ANK3: variants seen among roughly 807,000 people sequenced by gnomAD.
ANK3 encodes the protein ankyrin 3.
Under a neutral mutation model 370.9 loss-of-function variants are expected in ANK3, and 57 were observed. The ratio of observed to expected loss-of-function variants is 0.15; its 90% CI spans 0.12 to 0.19. The LOEUF is 0.19. Ranked by LOEUF, ANK3 falls within the 10% of genes least tolerant of loss-of-function variation. The probability of loss-of-function intolerance (pLI) is 1.00; values close to 1 mark genes in which losing one functional copy is unlikely to be tolerated. For missense variants in ANK3, 4,439 were observed against 5,302.1 expected, an observed-to-expected ratio of 0.84 and a Z score of 5.06; for synonymous variants, 1,929 against 1,946.3, an observed-to-expected ratio of 0.99 and a Z score of 0.23.
At chr10:60,253,028 A>T (rs2097690139) in intron 7 of ANK3, among the ~76,000 whole-genome samples, 1 of 152,204 alleles carries the variant, frequency 6.6e-6, no homozygotes, top group Admixed American at 6.5e-5. Context: ...CATTGGACCC[A>T]TTATATGGAT....
intron 1 of ANK3, among the ~76,000 whole-genome samples, chr10:60,654,336 T>G (rs2078833788): frequency 6.6e-6 from 1 of 152,160 alleles, no homozygotes; most frequent in Non-Finnish European, 1.5e-5. Context: ...GGATCTCCAG[T>G]ACCGTGTTGA....
chr10:60,080,447 G>A (rs2084920684), intron 36 of ANK3, 90 bp downstream of exon 36: 1 of 1,152,086 alleles, frequency 8.7e-7, no homozygotes, highest in Non-Finnish European at 1.3e-6. Context: ...TTGCCATTGA[G>A]TTTCCAAATG....
At chr10:60,532,054 G>C (rs10740030) in intron 2 of ANK3, among the ~76,000 whole-genome samples, 107,830 of 152,030 alleles carry the variant, frequency 0.71, 38,359 homozygotes, top group South Asian at 0.88. Context: ...TTTTAGTATT[G>C]CAGGTGAAAC....
intron 1 of ANK3, among the ~76,000 whole-genome samples, chr10:60,345,740 A>C (rs2061484): frequency 0.7 from 106,021 of 151,944 alleles, 38,262 homozygotes; most frequent in South Asian, 0.91. Context: ...GAATATATTC[A>C]TTAAAAATCA....
At chr10:60,526,556 C>T (rs1013466164) in intron 2 of ANK3, among the ~76,000 whole-genome samples, 1 of 152,014 alleles carries the variant, frequency 6.6e-6, no homozygotes, top group African/African-American at 2.4e-5. Context: ...TACGCTTACC[C>T]ATCAAGAATT....
At chr10:60,543,762 T>C (rs376562186) in intron 2 of ANK3, among the ~76,000 whole-genome samples, 1 of 152,066 alleles carries the variant, frequency 6.6e-6, no homozygotes, top group African/African-American at 2.4e-5. Context: ...ATAAATTCCA[T>C]TTTCTCACAA....
chr10:60,407,128 C>G (rs1003891448), intron 2 of ANK3, among the ~76,000 whole-genome samples: 9 of 152,188 alleles, frequency 5.9e-5, no homozygotes, highest in Middle Eastern at 3.2e-3. Flanking sequence ...GTTACTCTTT[C>G]TCACACTAAA....
chr10:60,425,905 T>A (rs980007375), intron 2 of ANK3, among the ~76,000 whole-genome samples: 3 of 152,138 alleles, frequency 2.0e-5, no homozygotes, highest in Non-Finnish European at 4.4e-5. Flanking sequence ...CCACGGGACC[T>A]TGAGAAAGCC....
At chr10:60,178,097 T>A (rs1381084808) in intron 18 of ANK3, among the ~76,000 whole-genome samples, 1 of 152,208 alleles carries the variant, frequency 6.6e-6, no homozygotes, top group African/African-American at 2.4e-5. Flanking sequence ...AAACCTTCAG[T>A]GGCTTCTCAG....
chr10:60,111,887 C>T lies in ANK3; in HGVS notation c.2948+2338G>A, dbSNP rs188685153. The stretch of plus-strand genomic sequence containing the variant: ...AAACCATCAGAAAATGAAACCAGGG[C>T]ATCTGGCATTTGTGGGACAACCTAG... On this transcript the variant is annotated intron_variant, in intron 26 of 43. Transcript: ENST00000280772. 74 of 412,022 alleles carry T rather than the reference C, an allele frequency of 1.8e-4. No homozygotes were observed. The East Asian group carries it at 5.2e-3, about 29-fold the overall frequency. 25.5% of individuals were successfully genotyped at this position (412,022 alleles called of 1,614,324 possible).
At chr10:60,569,786 AT>A (rs375370576) in intron 2 of ANK3, among the ~76,000 whole-genome samples, 183 of 152,146 alleles carry the variant, frequency 1.2e-3, no homozygotes, top group African/African-American at 4.2e-3. Flanking sequence ...TTTAAGATAG[AT>A]TTTTTTTATG....
intron 9 of ANK3, 24 bp downstream of exon 9, chr10:60,213,388 T>C: frequency 6.4e-7 from 1 of 1,553,162 alleles, no homozygotes; most frequent in Non-Finnish European, 8.9e-7. Flanking sequence ...CAGTCCAATG[T>C]CCAGAAACCT....
At chr10:60,355,514 T>A (rs947009110) in intron 1 of ANK3, among the ~76,000 whole-genome samples, 4 of 152,228 alleles carry the variant, frequency 2.6e-5, no homozygotes, top group Admixed American at 2.6e-4. Context: ...TTCTTCCATA[T>A]GGCTTTATCA....
intron 2 of ANK3, among the ~76,000 whole-genome samples, chr10:60,530,453 C>CAAA (rs5785453): frequency 0.081 from 11,773 of 145,262 alleles, 547 homozygotes; most frequent in South Asian, 0.18. Flanking sequence ...TAATCTTCAC[C>CAAA]AAAAAAAAAA....
rs151180184 is a variant in ANK3 at position 60,439,618 on chromosome 10, C to A, written c.97-159979G>T. Among the ~76,000 whole-genome samples, 1,051 of 152,156 alleles carry A rather than the reference C, an allele frequency of 6.9e-3. 14 individuals are homozygous for A. The highest frequency in any genetic ancestry group is 0.024 in the African/African-American group (994 of 41,514). On this transcript the variant is annotated intron_variant, in intron 2 of 43. Transcript: ENST00000373827. ...CATGGGACATTTTAAATTGTTAAAC[C>A]CTTGTGAGCCTCAGGAATGCCATCC...
Position 60,537,335 on chromosome 10 carries a change from C to T in ANK3, c.96+77851G>A, listed in dbSNP as rs374545729. Among the ~76,000 whole-genome samples the T allele has an allele frequency of 7.2e-4, 109 of 151,968 alleles. 1 individual carries two copies. The highest frequency in any genetic ancestry group is 2.4e-3 in the African/African-American group (101 of 41,512). On this transcript the variant is annotated intron_variant, in intron 2 of 43. Coordinates refer to the ANK3 transcript ENST00000373827. ...ATTCAGCAATTTAATGTGATGCATA[C>T]CTAGTTTTAGATTTTTCATGTATTT...
intron 2 of ANK3, among the ~76,000 whole-genome samples, chr10:60,467,375 T>A (rs2065034905): frequency 6.6e-6 from 1 of 152,186 alleles, no homozygotes; most frequent in Non-Finnish European, 1.5e-5. Flanking sequence ...TCATTTCATT[T>A]TGATAATAAA....
chr10:60,414,111 T>G (rs1433054402), intron 2 of ANK3, among the ~76,000 whole-genome samples: 4 of 152,164 alleles, frequency 2.6e-5, no homozygotes, highest in African/African-American at 9.6e-5. Context: ...TGTCTCCAAT[T>G]TTTAAGACAT....
intron 2 of ANK3, among the ~76,000 whole-genome samples, chr10:60,485,092 A>C (rs1056737732): frequency 6.6e-6 from 1 of 152,200 alleles, no homozygotes; most frequent in African/African-American, 2.4e-5. Flanking sequence ...GAATTAGGAC[A>C]CCCAGGTAAT....
Sources: allele counts gnomAD v4.1 joint callset (sites outside exome capture counted in the v4.1 genomes callset), GRCh38; gene constraint gnomAD v4.1.1; transcripts MANE v1.5; gene names NCBI Gene and HGNC (gene_info 2026-07-23, HGNC 2026-07-21).